The following FHIT variants were observed in gnomAD, a reference collection of about 807,000 sequenced individuals.
FHIT encodes bis(5'-adenosyl)-triphosphatase.
FHIT carries 19 observed loss-of-function variants against 17.9 expected under a neutral mutation model. The ratio of observed to expected loss-of-function variants is 1.06; its 90% CI spans 0.74 to 1.56. The LOEUF (loss-of-function observed/expected upper bound fraction) is 1.56, where lower values mean the gene tolerates loss of function less well. FHIT is among the 40% of genes most tolerant of loss of function. FHIT has a pLI of 0.00. For missense variants in FHIT, 248 were observed against 189.2 expected (o/e 1.31, Z -1.82); for synonymous variants, 81 against 69.7 (o/e 1.16, Z -0.81).
At chr3:60,983,469 G>A (rs1326030786) in intron 3 of FHIT, among the ~76,000 whole-genome samples, 3 of 152,138 alleles carry the variant, frequency 2.0e-5, no homozygotes, top group African/African-American at 7.2e-5. Flanking sequence ...TGAATTCCAG[G>A]TTGCACATAC....
intron 4 of FHIT, among the ~76,000 whole-genome samples, chr3:60,610,793 T>C (rs946271451): frequency 6.6e-6 from 1 of 152,224 alleles, no homozygotes; most frequent in Admixed American, 6.5e-5. Context: ...TCATTTCAGT[T>C]ATGCAAGAAC....
intron 4 of FHIT, among the ~76,000 whole-genome samples, chr3:60,567,450 T>G (rs975451856): frequency 2.0e-5 from 3 of 152,168 alleles, no homozygotes; most frequent in South Asian, 2.1e-4. Context: ...TATACAAAAA[T>G]TAATTCAAGA....
chr3:60,269,512 C>T (rs927232274), intron 5 of FHIT, among the ~76,000 whole-genome samples: 1 of 152,130 alleles, frequency 6.6e-6, no homozygotes, highest in African/African-American at 2.4e-5. Context: ...TTTAGCTTAT[C>T]GCTTTAGGCA....
At chr3:60,392,296 G>A (rs1249165900) in intron 5 of FHIT, among the ~76,000 whole-genome samples, 1 of 152,166 alleles carries the variant, frequency 6.6e-6, no homozygotes, top group Admixed American at 6.5e-5. Context: ...TTGGATGGAA[G>A]AATGGTAAAG....
chr3:60,319,006 G>A (rs1005513604), intron 5 of FHIT, among the ~76,000 whole-genome samples: 2 of 152,038 alleles, frequency 1.3e-5, no homozygotes, highest in Non-Finnish European at 2.9e-5. Flanking sequence ...CCTGCTCTCT[G>A]ATTCTGACCT....
At chr3:60,657,041 A>G (rs540058920) in intron 4 of FHIT, among the ~76,000 whole-genome samples, 2 of 152,158 alleles carry the variant, frequency 1.3e-5, no homozygotes, top group Admixed American at 6.5e-5. Context: ...ATTCAAACTC[A>G]AACTTAGAGC....
At chr3:60,988,636 A>G (rs1333202567) in intron 3 of FHIT, among the ~76,000 whole-genome samples, 2 of 152,166 alleles carry the variant, frequency 1.3e-5, no homozygotes, top group African/African-American at 4.8e-5. Context: ...TTTGATCGGC[A>G]TGATACATAA....
At chr3:60,158,323 T>C (rs1191229187) in intron 5 of FHIT, among the ~76,000 whole-genome samples, 1 of 150,436 alleles carries the variant, frequency 6.6e-6, no homozygotes, top group Non-Finnish European at 1.5e-5. Context: ...AATTTCTCTC[T>C]CTTTTTTTTT....
chr3:60,301,035 T>C (rs1299738604), intron 5 of FHIT, among the ~76,000 whole-genome samples: 1 of 152,030 alleles, frequency 6.6e-6, no homozygotes, highest in Admixed American at 6.6e-5. Context: ...CATTCTAGAT[T>C]CCCCCGGATC....
chr3:60,980,152 A>G (rs1710433581), intron 3 of FHIT, among the ~76,000 whole-genome samples: 1 of 152,228 alleles, frequency 6.6e-6, no homozygotes, highest in Non-Finnish European at 1.5e-5. Flanking sequence ...ATTCAGCAAC[A>G]TTCTTTAGAA....
intron 3 of FHIT, among the ~76,000 whole-genome samples, chr3:60,958,510 C>T (rs1553779610): frequency 1.3e-5 from 2 of 152,172 alleles, no homozygotes; most frequent in African/African-American, 2.4e-5. Context: ...TTAAAGGTTA[C>T]ACTGGTATGT....
Position 60,368,270 on chromosome 3 carries a change from GT to G in FHIT, c.103+168589del, listed in dbSNP as rs1197401492. ...ACCATTTCATACTCCCACTAGCTAT[GT>G]TTATGCATTTCTGTTATTCCATCAT... On this transcript the variant is annotated intron_variant, in intron 5 of 9. Coordinates refer to ENST00000492590, the MANE Select transcript of FHIT (RefSeq NM_002012.4). 3.3e-5 allele frequency among the ~76,000 whole-genome samples: 5 copies of G among 149,392 alleles called. No individual in the cohort carries two copies. In the East Asian group the frequency reaches 9.8e-4, roughly 29 times the overall value.
chr3:60,281,875 A>G (rs1231492502), intron 5 of FHIT, among the ~76,000 whole-genome samples: 1 of 152,170 alleles, frequency 6.6e-6, no homozygotes, highest in African/African-American at 2.4e-5. Context: ...TACTGTTAAG[A>G]GAATGAAAGG....
At chr3:60,303,888 C>T (rs1033863239) in intron 5 of FHIT, among the ~76,000 whole-genome samples, 5 of 152,146 alleles carry the variant, frequency 3.3e-5, no homozygotes, top group African/African-American at 7.2e-5. Flanking sequence ...GTGCCCAGCA[C>T]TTAGAGGATT....
At chr3:60,488,679 A>G (rs569056611) in intron 5 of FHIT, among the ~76,000 whole-genome samples, 2 of 152,302 alleles carry the variant, frequency 1.3e-5, no homozygotes, top group East Asian at 3.9e-4. Flanking sequence ...ACAGAACCTC[A>G]GCAGTCCTAT....
chr3:60,702,705 A>G (rs1033145131), intron 4 of FHIT, among the ~76,000 whole-genome samples: 3 of 152,072 alleles, frequency 2.0e-5, no homozygotes, highest in Non-Finnish European at 4.4e-5. Flanking sequence ...TCTTCGCTTA[A>G]TTTTTTTGTT....
intron 5 of FHIT, among the ~76,000 whole-genome samples, chr3:60,106,198 C>G (rs1559637026): frequency 6.6e-6 from 1 of 152,186 alleles, no homozygotes; most frequent in Non-Finnish European, 1.5e-5. Flanking sequence ...TAACTCTTCT[C>G]TTACTTAACG....
At chr3:60,534,504 T>C (rs1189191397) in intron 5 of FHIT, among the ~76,000 whole-genome samples, 1 of 135,666 alleles carries the variant, frequency 7.4e-6, no homozygotes, top group African/African-American at 2.8e-5. Flanking sequence ...TTTATAAAGG[T>C]AAAGTAAAAT....
intron 4 of FHIT, among the ~76,000 whole-genome samples, chr3:60,630,949 AAAAAAAAC>A (rs1175315502): frequency 5.1e-5 from 5 of 98,574 alleles, no homozygotes; most frequent in African/African-American, 1.4e-4. Context: ...AAAAAAAAAA[AAAAAAAAC>A]ACACAGAAAT....
Sources: allele counts gnomAD v4.1 joint callset (sites outside exome capture counted in the v4.1 genomes callset), GRCh38; gene constraint gnomAD v4.1.1; transcripts MANE v1.5; gene names NCBI Gene and HGNC (gene_info 2026-07-23, HGNC 2026-07-21).